The following ANKRD36C variants were observed in gnomAD, a reference collection of about 807,000 sequenced individuals.
The protein encoded by ANKRD36C is ankyrin repeat domain 36C.
ANKRD36C carries 61 observed loss-of-function variants against 276.4 expected under a neutral mutation model. The ratio of observed to expected loss-of-function variants is 0.22; its 90% CI spans 0.18 to 0.27. The LOEUF (loss-of-function observed/expected upper bound fraction) is 0.27. Among genes scored for constraint, ANKRD36C ranks in the 10% least tolerant of loss-of-function variants. The pLI is 1.00. For synonymous variants in ANKRD36C, 483 were observed against 680.1 expected (o/e 0.71, Z 4.51); for missense variants, 1,447 against 2,032.3 (o/e 0.71, Z 5.54).
Position 95,916,125 on chromosome 2 carries a change from A to G in ANKRD36C, c.2376+18T>C, listed in dbSNP as rs376191285. ...CTATACGTTTACTAGCTCACAATAT[A>G]AATGAGAGTTTCATTACCTTCAAGG... On this transcript the variant is annotated intron_variant, in intron 37 of 66. Transcript: ENST00000456556. The G allele has an allele frequency of 3.5e-5, 56 of 1,603,860 alleles. No individual in the cohort carries two copies. The highest frequency in any genetic ancestry group is 2.2e-4 in the East Asian group (10 of 44,582).
intron 34 of ANKRD36C, among the ~76,000 whole-genome samples, chr2:95,918,602 T>A (rs923098651): frequency 1.3e-5 from 2 of 151,708 alleles, no homozygotes; most frequent in Non-Finnish European, 3.0e-5. Flanking sequence ...ACCTAGTAGA[T>A]AATATTCATT....
chr2:95,981,123 A>G (rs1006481701), intron 4 of ANKRD36C, among the ~76,000 whole-genome samples: 2 of 151,932 alleles, frequency 1.3e-5, no homozygotes, highest in Non-Finnish European at 2.9e-5. Flanking sequence ...GATACTATAC[A>G]TTATAATGCA....
chr2:95,947,356 A>T (rs1349680780), intron 17 of ANKRD36C, among the ~76,000 whole-genome samples: 1 of 152,174 alleles, frequency 6.6e-6, no homozygotes, highest in Non-Finnish European at 1.5e-5. Flanking sequence ...CAGGCATATT[A>T]TGTTACCTGT....
intron 44 of ANKRD36C, among the ~76,000 whole-genome samples, chr2:95,893,955 A>C (rs1284687872): frequency 6.6e-6 from 1 of 151,456 alleles, no homozygotes; most frequent in Non-Finnish European, 1.5e-5. Context: ...GATTTCTCAT[A>C]TGTCAAAAAC....
chr2:95,961,343 T>C (rs1214148462), intron 8 of ANKRD36C, among the ~76,000 whole-genome samples: 3 of 152,068 alleles, frequency 2.0e-5, no homozygotes, highest in Non-Finnish European at 4.4e-5. Flanking sequence ...GAAAGTATAA[T>C]ATATAAACCT....
chr2:95,857,117 G>A (rs890665784), intron 62 of ANKRD36C, among the ~76,000 whole-genome samples, 192 bp downstream of exon 82: 2 of 151,772 alleles, frequency 1.3e-5, no homozygotes, highest in African/African-American at 4.8e-5. Flanking sequence ...TTTTCAAAAG[G>A]CCTTTGAACT....
intron 19 of ANKRD36C, among the ~76,000 whole-genome samples, chr2:95,943,727 T>C (rs2104469184): frequency 6.6e-6 from 1 of 152,072 alleles, no homozygotes; most frequent in South Asian, 2.1e-4. Context: ...TGATATAGCC[T>C]AAAACACATT....
At chr2:95,903,078 G>C in intron 42 of ANKRD36C, 1 of 1,566,408 alleles carries the variant, frequency 6.4e-7, no homozygotes, top group Non-Finnish European at 8.7e-7. Context: ...TTGCTCTGAA[G>C]ACACTGAAAA....
At chr2:95,922,825 T>C (rs984156819) in intron 32 of ANKRD36C, among the ~76,000 whole-genome samples, 4 of 151,670 alleles carry the variant, frequency 2.6e-5, no homozygotes, top group Admixed American at 6.6e-5. Flanking sequence ...TTATGCCTAA[T>C]AGTAGCAAAG....
chr2:95,911,652 C>T (rs1475171969), intron 42 of ANKRD36C, among the ~76,000 whole-genome samples: 2 of 151,444 alleles, frequency 1.3e-5, no homozygotes, highest in African/African-American at 2.4e-5. Flanking sequence ...CCAGCAGTTG[C>T]TGGAGCTGCC....
downstream of ANKRD36C, chr2:95,851,046 G>T (rs1675282126): frequency 3.0e-6 from 2 of 673,006 alleles, no homozygotes; most frequent in Admixed American, 2.4e-5. Flanking sequence ...ATGTGTGTAA[G>T]AAAAAATATT....
At chr2:95,903,140 T>C (rs1676706498) in intron 42 of ANKRD36C, 59 bp from the exon 53 acceptor site, 13 of 1,536,268 alleles carry the variant, frequency 8.5e-6, no homozygotes, top group South Asian at 2.4e-5. Context: ...ATTATCCACA[T>C]ATTCATGCAG....
At chr2:95,902,061 T>C (rs1293826129) in intron 42 of ANKRD36C, among the ~76,000 whole-genome samples, 1 of 147,886 alleles carries the variant, frequency 6.8e-6, no homozygotes, top group Non-Finnish European at 1.5e-5. Context: ...TAAAATACTC[T>C]TGTTGGGAGT....
chr2:95,956,510 C>T (rs1027265642), intron 13 of ANKRD36C, among the ~76,000 whole-genome samples: 5 of 152,202 alleles, frequency 3.3e-5, no homozygotes, highest in African/African-American at 9.6e-5. Context: ...GATTAGAGAG[C>T]CAGGCAGGAT....
rs1356810636 is a variant in ANKRD36C, at chr2:95,857,283, T to C, written c.4080+26A>G. 3.2e-6 allele frequency: 5 copies of C among 1,583,988 alleles called. No homozygotes were observed. The African/African-American group carries it at 4.0e-5, about 13-fold the overall frequency. ...AGTAATATTAATAAGAGTAGAAATA[T>C]GAAGTTTTACCAAACATTAATTTAC... On this transcript the variant is annotated intron_variant, in intron 62 of 66. Coordinates refer to ENST00000456556, the Ensembl canonical transcript of ANKRD36C.
At chr2:95,902,529 G>A (rs989359571) in intron 42 of ANKRD36C, among the ~76,000 whole-genome samples, 2 of 150,464 alleles carry the variant, frequency 1.3e-5, no homozygotes, top group Non-Finnish European at 3.0e-5. Flanking sequence ...TTTCTTGGCA[G>A]TACGATCTGA....
chr2:95,886,763 A>G (rs1394282542), intron 50 of ANKRD36C, among the ~76,000 whole-genome samples: 2 of 151,744 alleles, frequency 1.3e-5, no homozygotes, highest in South Asian at 2.1e-4. Flanking sequence ...AGGGACCTAA[A>G]TCGATCAACG....
chr2:95,908,426 C>G, intron 42 of ANKRD36C, 76 bp downstream of exon 48: 3 of 1,274,730 alleles, frequency 2.4e-6, no homozygotes, highest in Non-Finnish European at 2.1e-6. Flanking sequence ...AACGAGCCCC[C>G]CGCTGATTTA....
chr2:95,868,310 T>G (rs1163946752), intron 59 of ANKRD36C, among the ~76,000 whole-genome samples: 1 of 149,030 alleles, frequency 6.7e-6, no homozygotes, highest in African/African-American at 2.4e-5. Context: ...TTAAATCACA[T>G]GCTTCATTTC....
Sources: gnomAD v4.1 joint callset for allele counts (sites outside exome capture counted in the v4.1 genomes callset) on GRCh38, gnomAD v4.1.1 for gene constraint, MANE v1.5 for transcripts, NCBI Gene and HGNC (gene_info 2026-07-23, HGNC 2026-07-21) for gene names.